Variants in SORT1 observed in about 807,000 individuals in gnomAD.
The protein encoded by SORT1 is sortilin 1, also known as sortilin.
In SORT1, 39 loss-of-function variants were observed where a neutral mutation model predicts 101.7. The ratio of observed to expected loss-of-function variants is 0.38; its 90% CI spans 0.30 to 0.50. The LOEUF (loss-of-function observed/expected upper bound fraction) is 0.50. Among genes scored for constraint, SORT1 ranks in the 20% least tolerant of loss-of-function variants. The probability of loss-of-function intolerance (pLI) is 0.90; values close to 1 mark genes in which losing one functional copy is unlikely to be tolerated. For missense variants in SORT1, 878 were observed against 1,040.4 expected (o/e 0.84, Z 2.15); for synonymous variants, 396 against 393.7 (o/e 1.01, Z -0.07).
chr1:109,341,833 C>T (rs1452693879), intron 9 of SORT1, among the ~76,000 whole-genome samples, 181 bp downstream of exon 9: 2 of 152,190 alleles, frequency 1.3e-5, no homozygotes, highest in Non-Finnish European at 2.9e-5. Flanking sequence ...TGAACATACA[C>T]ACAAGCTACC....
intron 11 of SORT1, among the ~76,000 whole-genome samples, chr1:109,335,173 GA>G (rs1648727765): frequency 6.6e-6 from 1 of 152,126 alleles, no homozygotes; most frequent in South Asian, 2.1e-4. Flanking sequence ...CAATGACAAT[GA>G]AAAGGTGGCA....
In SORT1 at chr1:109,314,399, C is replaced by G; in HGVS notation, c.2358-15G>C. ...GCACCAGGAACCTGTGAACAGAAAC[C>G]TCCTTAACACTCGGTGGTACACAGC... On this transcript the variant is annotated splice_polypyrimidine_tract_variant and intron_variant, in intron 18 of 19. Coordinates refer to ENST00000256637, the MANE Select transcript of SORT1 (RefSeq NM_002959.7). 1.2e-6 allele frequency: 2 copies of G among 1,612,992 alleles called. No homozygotes were observed. The highest frequency in any genetic ancestry group is 2.2e-5 in the South Asian group (2 of 90,906).
chr1:109,317,983 C>T lies in SORT1; in HGVS notation c.2025-14G>A. ...TAGCCAAAATCACTGCAAGAGTCAG[C>T]AAATAAAGTACCTTTCAAAGCAGCT... On this transcript the variant is annotated splice_polypyrimidine_tract_variant and intron_variant, in intron 15 of 19. Coordinates refer to ENST00000256637, the MANE Select transcript of SORT1 (RefSeq NM_002959.7). 6.5e-7 allele frequency: 1 copy of T among 1,528,678 alleles called. No individual in the cohort carries two copies. The highest frequency in any genetic ancestry group is 9.1e-7 in the Non-Finnish European group (1 of 1,102,546). The allele number at this position is 1,528,678 out of a possible 1,614,324, so 94.7% of individuals were successfully genotyped here.
intron 6 of SORT1, among the ~76,000 whole-genome samples, chr1:109,348,136 T>A (rs2101592691): frequency 6.6e-6 from 1 of 152,346 alleles, no homozygotes; most frequent in East Asian, 1.9e-4. Context: ...CAATGCTTTG[T>A]ATGAGTTAAA....
intron 19 of SORT1, 92 bp from the exon 20 acceptor site, chr1:109,314,149 T>C: frequency 6.3e-7 from 1 of 1,593,268 alleles, no homozygotes; most frequent in Middle Eastern, 1.7e-4. Context: ...AATCTTATGG[T>C]CATTAAGTCG....
intron 1 of SORT1, among the ~76,000 whole-genome samples, chr1:109,390,577 T>C (rs1215392295): frequency 6.6e-6 from 1 of 151,978 alleles, no homozygotes; most frequent in Non-Finnish European, 1.5e-5. Context: ...CATATTTATG[T>C]TTTGAATCCT....
intron 1 of SORT1, among the ~76,000 whole-genome samples, chr1:109,378,706 A>T: frequency 6.9e-4 from 1 of 1,452 alleles, no homozygotes; most frequent in African/African-American, 1.1e-3. Context: ...AATGATATAT[A>T]TATATATATA....
chr1:109,388,429 T>C (rs2101656854), intron 1 of SORT1, among the ~76,000 whole-genome samples: 1 of 152,082 alleles, frequency 6.6e-6, no homozygotes, highest in South Asian at 2.1e-4. Flanking sequence ...TTTATACAGA[T>C]GGGGTCTCAC....
chr1:109,331,250 T>G (rs2101561325), intron 11 of SORT1, among the ~76,000 whole-genome samples: 1 of 152,274 alleles, frequency 6.6e-6, no homozygotes, highest in Non-Finnish European at 1.5e-5. Flanking sequence ...TTCAACAGCA[T>G]ATTAAACAGA....
intron 1 of SORT1, among the ~76,000 whole-genome samples, chr1:109,388,847 T>C (rs1652736415): frequency 6.6e-6 from 1 of 152,122 alleles, no homozygotes; most frequent in African/African-American, 2.4e-5. Context: ...TGAATCCAGA[T>C]CTAATACCTG....
chr1:109,314,212 G>A, intron 19 of SORT1, 49 bp downstream of exon 19: 1 of 1,175,526 alleles, frequency 8.5e-7, no homozygotes, highest in Non-Finnish European at 1.2e-6. Context: ...TTATTTTCTT[G>A]TATTTTTTGG....
rs1354954984 is a variant in SORT1, at chr1:109,374,679, T to C, written c.307-5090A>G. ...TGACTGAAATGAAAAGTACACTGGA[T>C]AGGGTGCTGTGGCTCATGCCTGTAA... On this transcript the variant is annotated intron_variant, in intron 1 of 19. Transcript: ENST00000256637. Among the ~76,000 whole-genome samples the C allele has an allele frequency of 4.7e-5, 7 of 150,534 alleles. No homozygotes were observed. The East Asian group carries it at 8.1e-4, about 17-fold the overall frequency.
chr1:109,353,565 T>C (rs1650108107), intron 5 of SORT1, among the ~76,000 whole-genome samples: 1 of 152,054 alleles, frequency 6.6e-6, no homozygotes, highest in Non-Finnish European at 1.5e-5. Flanking sequence ...CAAACTTTGG[T>C]GCTCAGGCTC....
rs1658859578 is a variant in SORT1, at chr1:109,313,756, C to T, written c.*287G>A. Reference sequence around the variant, plus strand: ...ATTCCATTTCGTTTCCCTTAAAAAACAAAAACAAAAAAGCCCATACTTTGC... The same window carrying T: ...ATTCCATTTCGTTTCCCTTAAAAAATAAAAACAAAAAAGCCCATACTTTGC... On this transcript the variant is annotated 3_prime_UTR_variant, in exon 20 of 20. Transcript: ENST00000256637. 2 of 393,030 alleles carry T rather than the reference C, an allele frequency of 5.1e-6. No homozygotes were observed. Among genetic ancestry groups the T allele is most frequent in the Non-Finnish European group, 8.6e-6 (2 of 231,374 alleles). The allele number at this position is 393,030 out of a possible 1,614,324, so 24.3% of individuals were successfully genotyped here. A position where few individuals can be genotyped will look rare whatever the true frequency, so the allele number is the denominator to read the frequency against.
At chr1:109,349,763 C>T (rs777111262) in intron 6 of SORT1, among the ~76,000 whole-genome samples, 1 of 152,140 alleles carries the variant, frequency 6.6e-6, no homozygotes, top group Non-Finnish European at 1.5e-5. Flanking sequence ...AAGAGCAATA[C>T]CCTATCTCAA....
chr1:109,359,019 T>C (rs540368435), intron 3 of SORT1, among the ~76,000 whole-genome samples: 64 of 152,206 alleles, frequency 4.2e-4, no homozygotes, highest in African/African-American at 1.4e-3. Context: ...TACAAATATA[T>C]TTGGAATAGA....
intron 8 of SORT1, among the ~76,000 whole-genome samples, chr1:109,342,717 G>A (rs1649309615): frequency 6.6e-6 from 1 of 152,248 alleles, no homozygotes; most frequent in Admixed American, 6.5e-5. Flanking sequence ...AAGGGAACAG[G>A]CATGGGCTGG....
intron 3 of SORT1, chr1:109,366,956 G>A (rs933079523): frequency 6.6e-6 from 1 of 152,220 alleles, no homozygotes. Flanking sequence ...TAAGGGCCGG[G>A]TGCAGTGGCT....
At chr1:109,328,974 C>T (rs1648267751) in intron 11 of SORT1, among the ~76,000 whole-genome samples, 1 of 152,072 alleles carries the variant, frequency 6.6e-6, no homozygotes, top group South Asian at 2.1e-4. Flanking sequence ...CACCTGAAGA[C>T]CCACTTAAAA....
Sources: allele counts gnomAD v4.1 joint callset (sites outside exome capture counted in the v4.1 genomes callset), GRCh38; gene constraint gnomAD v4.1.1; transcripts MANE v1.5; gene names NCBI Gene and HGNC (gene_info 2026-07-23, HGNC 2026-07-21).